GNAO1: variants seen among roughly 807,000 people sequenced by gnomAD.
The protein encoded by GNAO1 is guanine nucleotide-binding protein G(o) subunit alpha.
For synonymous variants in GNAO1, 164 were observed against 180.7 expected (o/e 0.91, Z 0.74); for missense variants, 166 against 478.7 (o/e 0.35, Z 6.10).
At chr16:56,277,776 T>TACACACACACACACAC (rs60891936) in intron 3 of GNAO1, among the ~76,000 whole-genome samples, 4 of 108,130 alleles carry the variant, frequency 3.7e-5, no homozygotes, top group East Asian at 3.4e-4. Flanking sequence ...GCACACCCCC[T>TACACACACACACACAC]ACACACACAC....
intron 6 of GNAO1, chr16:56,340,835 A>T (rs1470175907): frequency 6.2e-7 from 1 of 1,613,358 alleles, no homozygotes; most frequent in Non-Finnish European, 8.5e-7. Context: ...CTGTTGCAGA[A>T]CCGCATGCAC....
intron 3 of GNAO1, among the ~76,000 whole-genome samples, chr16:56,314,931 A>G (rs2037493850): frequency 1.3e-5 from 2 of 152,162 alleles, no homozygotes; most frequent in African/African-American, 4.8e-5. Context: ...CAGGGTCCCA[A>G]AGCCAGTCAG....
chr16:56,298,238 C>T (rs1470938451), intron 3 of GNAO1, among the ~76,000 whole-genome samples: 1 of 152,134 alleles, frequency 6.6e-6, no homozygotes, highest in Non-Finnish European at 1.5e-5. Context: ...ATGAGGCAGC[C>T]TGTGAAAGAT....
intron 2 of GNAO1, among the ~76,000 whole-genome samples, chr16:56,233,819 A>G (rs1461684993): frequency 3.3e-5 from 5 of 152,138 alleles, no homozygotes; most frequent in African/African-American, 9.7e-5. Context: ...TTGTTCCCCA[A>G]AGGCTCCATG....
At chr16:56,281,043 T>C (rs2037109396) in intron 3 of GNAO1, among the ~76,000 whole-genome samples, 1 of 152,164 alleles carries the variant, frequency 6.6e-6, no homozygotes, top group Non-Finnish European at 1.5e-5. Context: ...CAGCTACCTG[T>C]GCTGTGGGTG....
At chr16:56,333,463 G>A (rs538934190) in intron 4 of GNAO1, among the ~76,000 whole-genome samples, 2 of 152,168 alleles carry the variant, frequency 1.3e-5, no homozygotes, top group Non-Finnish European at 2.9e-5. Flanking sequence ...GCCCACCTTG[G>A]CCTCCCAAAG....
At chr16:56,192,690 C>T in intron 2 of GNAO1, 74 bp downstream of exon 2, 1 of 863,564 alleles carries the variant, frequency 1.2e-6, no homozygotes, top group South Asian at 1.3e-5. Context: ...ACATTGCTTA[C>T]TCCACATTGC....
At chr16:56,315,825 C>T (rs559902348) in intron 3 of GNAO1, among the ~76,000 whole-genome samples, 4 of 152,170 alleles carry the variant, frequency 2.6e-5, no homozygotes, top group East Asian at 3.9e-4. Context: ...GGGCAGATCA[C>T]GAGGTCAGGA....
chr16:56,200,699 C>G (rs1228153841), intron 2 of GNAO1, among the ~76,000 whole-genome samples: 4 of 152,220 alleles, frequency 2.6e-5, no homozygotes, highest in Non-Finnish European at 5.9e-5. Flanking sequence ...ACCTCACACC[C>G]AGATGTTGAT....
At chr16:56,340,612 G>C in intron 6 of GNAO1, 3 of 512,954 alleles carry the variant, frequency 5.8e-6, no homozygotes, top group South Asian at 2.6e-5. Flanking sequence ...AACCCTGCCC[G>C]GCCCTGCTCC....
rs117170910 is a variant in GNAO1 at position 56,219,623 on chromosome 16, T to C, written c.161+27007T>C. 5.5e-3 allele frequency among the ~76,000 whole-genome samples: 834 copies of C among 152,288 alleles called. 3 individuals are homozygous for C. The highest frequency in any genetic ancestry group is 0.01 in the Middle Eastern group (3 of 294). The stretch of plus-strand genomic sequence containing the variant: ...GAGACTAATGCACAGAGTGGAACTT[T>C]AGATTTTCTTAAGGTGTACAGCAAA... On this transcript the variant is annotated intron_variant, in intron 2 of 8. Coordinates refer to ENST00000262493, the MANE Select transcript of GNAO1 (RefSeq NM_020988.3).
chr16:56,214,614 C>T (rs773968300), intron 2 of GNAO1, among the ~76,000 whole-genome samples: 11 of 152,346 alleles, frequency 7.2e-5, no homozygotes, highest in Non-Finnish European at 1.5e-4. Context: ...AAAATCCTAT[C>T]TAAGTAGTGC....
chr16:56,194,310 C>T, intron 2 of GNAO1: 1 of 456,378 alleles, frequency 2.2e-6, no homozygotes, highest in South Asian at 1.5e-5. Context: ...CAACAAGGTG[C>T]ATGTTGCATC....
At chr16:56,245,334 G>A (rs1457834483) in intron 2 of GNAO1, among the ~76,000 whole-genome samples, 4 of 152,274 alleles carry the variant, frequency 2.6e-5, no homozygotes, top group South Asian at 2.1e-4. Context: ...CGGCCCTGAC[G>A]TTCCATTTGA....
intron 2 of GNAO1, among the ~76,000 whole-genome samples, chr16:56,217,291 G>A (rs952972019): frequency 6.6e-6 from 1 of 152,188 alleles, no homozygotes; most frequent in Non-Finnish European, 1.5e-5. Flanking sequence ...GTGACAGACT[G>A]GGTATTCTTG....
intron 2 of GNAO1, among the ~76,000 whole-genome samples, chr16:56,204,256 C>A (rs1180934757): frequency 2.6e-5 from 4 of 152,244 alleles, no homozygotes; most frequent in Admixed American, 2.0e-4. Context: ...AACCCATAAG[C>A]ATGAATTTCA....
At chr16:56,293,697 A>G (rs2037255370) in intron 3 of GNAO1, among the ~76,000 whole-genome samples, 1 of 152,194 alleles carries the variant, frequency 6.6e-6, no homozygotes, top group Non-Finnish European at 1.5e-5. Flanking sequence ...TCAAACCCAT[A>G]ATTTCATATC....
At chr16:56,220,618 T>C (rs559664568) in intron 2 of GNAO1, among the ~76,000 whole-genome samples, 1 of 152,308 alleles carries the variant, frequency 6.6e-6, no homozygotes, top group Non-Finnish European at 1.5e-5. Flanking sequence ...TGAATGTGCG[T>C]CCCCTACAAA....
At chr16:56,197,338 A>G (rs1368315831) in intron 2 of GNAO1, among the ~76,000 whole-genome samples, 1 of 152,208 alleles carries the variant, frequency 6.6e-6, no homozygotes, top group Non-Finnish European at 1.5e-5. Context: ...ATGTTTATTC[A>G]AATGGATGCA....
Sources: gnomAD v4.1 joint callset for allele counts (sites outside exome capture counted in the v4.1 genomes callset) on GRCh38, gnomAD v4.1.1 for gene constraint, MANE v1.5 for transcripts, NCBI Gene and HGNC (gene_info 2026-07-23, HGNC 2026-07-21) for gene names.